TMEM229B: variants seen among roughly 807,000 people sequenced by gnomAD.
TMEM229B encodes the protein chromosome 14 open reading frame 83.
A neutral mutation model predicts 13.7 loss-of-function variants in TMEM229B; 6 were observed. The observed-to-expected ratio is 0.44, with a 90% CI of 0.24 to 0.86. The LOEUF is 0.86. Among genes scored for constraint, TMEM229B ranks in the 40% least tolerant of loss-of-function variants. The pLI is 0.23. For synonymous variants in TMEM229B, 107 were observed against 102.1 expected, an observed-to-expected ratio of 1.05 and a Z score of -0.29; for missense variants, 170 against 236.0, an observed-to-expected ratio of 0.72 and a Z score of 1.83.
At chr14:67,509,872 C>T (rs1287471284) in intron 1 of TMEM229B, among the ~76,000 whole-genome samples, 1 of 152,004 alleles carries the variant, frequency 6.6e-6, no homozygotes, top group Non-Finnish European at 1.5e-5. Flanking sequence ...TTAAAAGTAG[C>T]TAGGTATGGT....
chr14:67,517,372 C>T (rs115556895), upstream of TMEM229B, among the ~76,000 whole-genome samples: 303 of 152,356 alleles, frequency 2.0e-3, 1 homozygote, highest in African/African-American at 7.1e-3. Flanking sequence ...GCACCTTATG[C>T]ATGAGGCACG....
chr14:67,510,371 C>T (rs1470856380), intron 1 of TMEM229B, among the ~76,000 whole-genome samples: 1 of 152,166 alleles, frequency 6.6e-6, no homozygotes, highest in African/African-American at 2.4e-5. Flanking sequence ...CTTTGCCAAC[C>T]ATCAGCTCAC....
chr14:67,529,979 G>A (rs1484512811), intron 1 of TMEM229B, among the ~76,000 whole-genome samples: 1 of 152,156 alleles, frequency 6.6e-6, no homozygotes, highest in Non-Finnish European at 1.5e-5. Flanking sequence ...ATATAGGAGA[G>A]GGTCTCTTTG....
At chr14:67,510,604 C>T (rs1316862769) in intron 1 of TMEM229B, among the ~76,000 whole-genome samples, 2 of 152,156 alleles carry the variant, frequency 1.3e-5, no homozygotes, top group African/African-American at 4.8e-5. Context: ...GGAACCGCTG[C>T]TTGTGTTGCC....
intron 1 of TMEM229B, among the ~76,000 whole-genome samples, chr14:67,487,753 G>A (rs902423809): frequency 1.3e-5 from 2 of 151,952 alleles, no homozygotes; most frequent in Non-Finnish European, 2.9e-5. Context: ...CCAGCTACAA[G>A]CTAATACAAA....
chr14:67,474,039 G>T, intron 2 of TMEM229B, 98 bp from the exon 3 acceptor site: 1 of 1,335,410 alleles, frequency 7.5e-7, no homozygotes, highest in African/African-American at 1.5e-5. Flanking sequence ...ATCACTTGAG[G>T]TCAGGAGTTC....
chr14:67,508,229 A>T (rs999214376), intron 1 of TMEM229B, among the ~76,000 whole-genome samples: 1 of 151,266 alleles, frequency 6.6e-6, no homozygotes, highest in Non-Finnish European at 1.5e-5. Flanking sequence ...TTCCAGTTTG[A>T]CTTCTTTCTC....
upstream of TMEM229B, among the ~76,000 whole-genome samples, chr14:67,489,584 T>C (rs1384442340): frequency 6.6e-6 from 1 of 152,130 alleles, no homozygotes; most frequent in Admixed American, 6.6e-5. Context: ...CAGACCCTGC[T>C]CCCTCCTCAC....
At chr14:67,500,803 A>C (rs868043211) in intron 1 of TMEM229B, among the ~76,000 whole-genome samples, 10 of 151,748 alleles carry the variant, frequency 6.6e-5, no homozygotes, top group Middle Eastern at 3.4e-3. Context: ...GATCTCCTGA[A>C]CTTGTGATCC....
chr14:67,529,570 C>G (rs1010432935), intron 1 of TMEM229B, among the ~76,000 whole-genome samples: 8 of 152,174 alleles, frequency 5.3e-5, no homozygotes, highest in Non-Finnish European at 1.2e-4. Context: ...CACGCTCACA[C>G]ACACACTGAG....
intron 2 of TMEM229B, among the ~76,000 whole-genome samples, chr14:67,474,914 C>CT (rs71129825): frequency 0.31 from 38,691 of 124,770 alleles, 7,134 homozygotes; most frequent in African/African-American, 0.46. Context: ...GAATTTCCTT[C>CT]TTTTTTTTTT....
intron 1 of TMEM229B, among the ~76,000 whole-genome samples, chr14:67,507,976 T>G (rs2032887866): frequency 6.6e-6 from 1 of 151,912 alleles, no homozygotes; most frequent in African/African-American, 2.4e-5. Context: ...CTGTCTCTAC[T>G]AAAAATACAA....
chr14:67,492,555 G>A (rs1236150534), upstream of TMEM229B, among the ~76,000 whole-genome samples: 2 of 152,178 alleles, frequency 1.3e-5, no homozygotes, highest in East Asian at 1.9e-4. Flanking sequence ...ACCCTGCCAC[G>A]CTGCACCTTC....
intron 1 of TMEM229B, among the ~76,000 whole-genome samples, chr14:67,511,438 G>A (rs568704208): frequency 3.9e-5 from 6 of 152,304 alleles, no homozygotes; most frequent in Admixed American, 1.3e-4. Context: ...TGTCCGTGTA[G>A]ATGGTTTGCC....
intron 1 of TMEM229B, among the ~76,000 whole-genome samples, chr14:67,512,717 C>T (rs774693222): frequency 1.3e-5 from 2 of 152,118 alleles, no homozygotes; most frequent in African/African-American, 2.4e-5. Flanking sequence ...CCAACATCAT[C>T]GGAGACCCTC....
chr14:67,530,338 C>G (rs1467891107), intron 1 of TMEM229B, among the ~76,000 whole-genome samples: 2 of 152,166 alleles, frequency 1.3e-5, no homozygotes, highest in African/African-American at 4.8e-5. Context: ...AGCAACTGCC[C>G]CAAGGTCCCA....
chr14:67,479,657 G>C (rs1456431475), intron 2 of TMEM229B, among the ~76,000 whole-genome samples: 1 of 152,078 alleles, frequency 6.6e-6, no homozygotes, highest in African/African-American at 2.4e-5. Flanking sequence ...GGCGGAGGTT[G>C]CCGTGAGCCG....
chr14:67,523,679 G>C (rs985808676), intron 1 of TMEM229B, among the ~76,000 whole-genome samples: 1 of 152,204 alleles, frequency 6.6e-6, no homozygotes, highest in Non-Finnish European at 1.5e-5. Flanking sequence ...TTAAACTCTG[G>C]CTTTGGCTCA....
rs146236279 is a variant in TMEM229B, at chr14:67,508,696, T to C, written c.-192+6390A>G. Among the ~76,000 whole-genome samples the C allele has an allele frequency of 4.2e-3, 582 of 138,724 alleles. 1 individual carries two copies. Among genetic ancestry groups the C allele is most frequent in the Non-Finnish European group, 6.2e-3 (405 of 65,350 alleles). 91.0% of individuals were successfully genotyped at this position (138,724 alleles called of 152,430 possible). A position where few individuals can be genotyped will look rare whatever the true frequency, so the allele number is the denominator to read the frequency against. On this transcript the variant is annotated intron_variant, in intron 1 of 2. Transcript: ENST00000357461. ...AGGAGATAGAGGGATAGAGGCTTCA[T>C]TGAGCTGGGATTGTGCCACTGCACT...
Sources: gnomAD v4.1 joint callset for allele counts (sites outside exome capture counted in the v4.1 genomes callset) on GRCh38, gnomAD v4.1.1 for gene constraint, MANE v1.5 for transcripts, NCBI Gene and HGNC (gene_info 2026-07-23, HGNC 2026-07-21) for gene names.